Variants in MAD1L1 observed in about 807,000 individuals in gnomAD.
The protein encoded by MAD1L1 is mitotic arrest deficient 1 like 1.
In MAD1L1, 95 loss-of-function variants were observed where a neutral mutation model predicts 96.9. The ratio of observed to expected loss-of-function variants is 0.98; its 90% CI spans 0.83 to 1.16. The LOEUF is 1.16. Ranked by LOEUF, MAD1L1 falls within the 50% of genes most tolerant of loss-of-function variation. MAD1L1 has a pLI of 0.00. For synonymous variants in MAD1L1, 473 were observed against 396.6 expected, an observed-to-expected ratio of 1.19 and a Z score of -2.29; for missense variants, 1,007 against 954.4, an observed-to-expected ratio of 1.06 and a Z score of -0.73.
chr7:2,178,658 A>G (rs1211180710), intron 10 of MAD1L1, among the ~76,000 whole-genome samples: 1 of 152,238 alleles, frequency 6.6e-6, no homozygotes, highest in Non-Finnish European at 1.5e-5. Context: ...GGACTCTGGG[A>G]GGCCAAGGCG....
chr7:1,912,572 A>T (rs1788090464), intron 17 of MAD1L1, among the ~76,000 whole-genome samples: 1 of 152,166 alleles, frequency 6.6e-6, no homozygotes, highest in Non-Finnish European at 1.5e-5. Flanking sequence ...CATCAGAGCC[A>T]CCGGGACCCT....
At chr7:2,001,116 G>A (rs1781771767) in intron 14 of MAD1L1, among the ~76,000 whole-genome samples, 1 of 152,256 alleles carries the variant, frequency 6.6e-6, no homozygotes, top group South Asian at 2.1e-4. Flanking sequence ...AAGGCCCTGA[G>A]GCCCTGAGAG....
intron 12 of MAD1L1, among the ~76,000 whole-genome samples, chr7:2,051,057 C>G (rs1183254726): frequency 6.6e-6 from 1 of 152,226 alleles, no homozygotes; most frequent in Non-Finnish European, 1.5e-5. Context: ...TTAAAGAGAG[C>G]ATGTTTCTCT....
chr7:1,998,903 G>C (rs1417272958), intron 14 of MAD1L1, among the ~76,000 whole-genome samples: 4 of 145,174 alleles, frequency 2.8e-5, no homozygotes, highest in African/African-American at 5.2e-5. Flanking sequence ...CTCACTGCTG[G>C]ACACCAGACC....
Position 2,096,886 on chromosome 7 carries a change from C to T in MAD1L1, c.1074-27548G>A, listed in dbSNP as rs192474611. ...CAGGCGTGGGCCCCACCCTCATAGC[C>T]GGTGACCCCCGGCCAGCAGGTCTGC... is the stretch of plus-strand genomic sequence containing the variant. On this transcript the variant is annotated intron_variant, in intron 11 of 18. Coordinates refer to ENST00000265854, the MANE Select transcript of MAD1L1 (RefSeq NM_001013836.2). Among the ~76,000 whole-genome samples, 727 of 152,266 alleles carry T rather than the reference C, an allele frequency of 4.8e-3. 5 individuals carry two copies. The highest frequency in any genetic ancestry group is 0.017 in the African/African-American group (700 of 41,556).
chr7:2,136,771 G>A lies in MAD1L1; in HGVS notation c.1073+12381C>T, dbSNP rs968255083. 1.1e-4 allele frequency among the ~76,000 whole-genome samples: 17 copies of A among 152,312 alleles called. No individual in the cohort carries two copies. The East Asian group carries it at 1.5e-3, about 14-fold the overall frequency. ...GTTCTGCCAAACAAGGAAGGAAAGC[G>A]TACTCCAATCGCCTGATGGCACCGG... On this transcript the variant is annotated intron_variant, in intron 11 of 18. Transcript: ENST00000265854.
rs775276266 is a variant in MAD1L1, at chr7:2,103,090, C to A, written c.1074-33752G>T. ...GGCCACGCTGCCTGCCTGCTGGAGA[C>A]GCGCGTCCTCTCCCACCTCAGGGCC... is the stretch of plus-strand genomic sequence containing the variant. On this transcript the variant is annotated intron_variant, in intron 11 of 18. Coordinates refer to ENST00000265854, the MANE Select transcript of MAD1L1 (RefSeq NM_001013836.2). The surrounding 1 kb of genome is among the most constrained non-coding windows in gnomAD (Gnocchi z 4.3). Among the ~76,000 whole-genome samples, 1 of 152,128 alleles carries A rather than the reference C, an allele frequency of 6.6e-6. No individual in the cohort carries two copies. The highest frequency in any genetic ancestry group is 6.5e-5 in the Admixed American group (1 of 15,288).
At chr7:2,180,396 C>G (rs184078665) in intron 10 of MAD1L1, among the ~76,000 whole-genome samples, 41 of 152,378 alleles carry the variant, frequency 2.7e-4, no homozygotes, top group Admixed American at 7.2e-4. Context: ...CATTCTGAGA[C>G]TGGCCTTTGC....
chr7:1,874,802 G>C (rs919940029), intron 18 of MAD1L1, among the ~76,000 whole-genome samples: 1 of 152,062 alleles, frequency 6.6e-6, no homozygotes, highest in Non-Finnish European at 1.5e-5. Flanking sequence ...AGGTTGGGTA[G>C]GATGGTAGAG....
chr7:1,898,215 G>T lies in MAD1L1; in HGVS notation c.1983C>A (p.Asp661Glu). ...CAGGACCCACCTTGAAGATGAGGCA[G>T]TCGCCTGGGTGCTCGGCGTACAGCG... ...LTSLYAEHPG[D>E]CLIFKATSPS... The change falls in exon 18 of 19, where the codon GAC becomes GAA. Residue 661 changes from aspartate (D) to glutamate (E), a missense_variant. Transcript: ENST00000265854. 6.2e-7 allele frequency: 1 copy of T among 1,611,118 alleles called. No individual in the cohort carries two copies. The highest frequency in any genetic ancestry group is 8.5e-7 in the Non-Finnish European group (1 of 1,178,568).
At chr7:1,974,118 G>A (rs1197365628) in intron 15 of MAD1L1, among the ~76,000 whole-genome samples, 1 of 152,202 alleles carries the variant, frequency 6.6e-6, no homozygotes, top group African/African-American at 2.4e-5. Flanking sequence ...GTGCCCCACC[G>A]CAAGAGGAGT....
intron 11 of MAD1L1, among the ~76,000 whole-genome samples, chr7:2,116,201 G>A (rs558442947): frequency 6.6e-6 from 1 of 152,362 alleles, no homozygotes; most frequent in Non-Finnish European, 1.5e-5. Context: ...CCCCTTCCCA[G>A]CACAGAAGGG....
intron 16 of MAD1L1, among the ~76,000 whole-genome samples, chr7:1,950,179 C>G (rs1779424480): frequency 6.6e-6 from 1 of 152,234 alleles, no homozygotes. Context: ...GAGCTGGGTC[C>G]CAGTTCCACC....
intron 11 of MAD1L1, among the ~76,000 whole-genome samples, chr7:2,116,073 A>G (rs1211031614): frequency 1.3e-5 from 2 of 152,212 alleles, no homozygotes; most frequent in Non-Finnish European, 2.9e-5. Flanking sequence ...TTTCCTCAAC[A>G]CTAAATAAGG....
intron 10 of MAD1L1, among the ~76,000 whole-genome samples, chr7:2,185,399 T>C (rs1319825007): frequency 6.6e-6 from 1 of 152,206 alleles, no homozygotes; most frequent in African/African-American, 2.4e-5. Flanking sequence ...TAATGGAAAC[T>C]TTCTGCAGCC....
At chr7:2,077,014 G>A (rs369478636) in intron 11 of MAD1L1, among the ~76,000 whole-genome samples, 87 of 147,718 alleles carry the variant, frequency 5.9e-4, no homozygotes, top group Non-Finnish European at 9.3e-4. Context: ...GTGAGCTCAC[G>A]GCACGGTGAG....
chr7:1,979,740 G>A (rs1454935539), intron 15 of MAD1L1, among the ~76,000 whole-genome samples: 1 of 152,218 alleles, frequency 6.6e-6, no homozygotes, highest in East Asian at 1.9e-4. Context: ...GGAGCCCAAG[G>A]GCTGCTGGAC....
intron 18 of MAD1L1, among the ~76,000 whole-genome samples, chr7:1,852,704 T>C (rs554779664): frequency 5.5e-4 from 83 of 152,138 alleles, no homozygotes; most frequent in African/African-American, 1.9e-3. Flanking sequence ...GAAGTAATCA[T>C]ACCGCTAAAT....
chr7:1,869,094 C>T lies in MAD1L1; in HGVS notation c.1998+29106G>A, dbSNP rs538215918. Among the ~76,000 whole-genome samples, 21 of 152,254 alleles carry T rather than the reference C, an allele frequency of 1.4e-4. No individual in the cohort carries two copies. The South Asian group carries it at 1.4e-3, about 11-fold the overall frequency. ...CAGGCCACACGTGGACGGTGAGGCC[C>T]GGGACGGGAACATCCGAGCAACGAT... On this transcript the variant is annotated intron_variant, in intron 18 of 18. Coordinates refer to ENST00000265854, the MANE Select transcript of MAD1L1 (RefSeq NM_001013836.2).
Sources: allele counts gnomAD v4.1 joint callset (sites outside exome capture counted in the v4.1 genomes callset), GRCh38; gene constraint gnomAD v4.1.1; non-coding constraint Gnocchi (gnomAD v3.1); transcripts MANE v1.5; gene names NCBI Gene and HGNC (gene_info 2026-07-23, HGNC 2026-07-21).